HS6ST3: variants seen among roughly 807,000 people sequenced by gnomAD.
The protein encoded by HS6ST3 is heparan-sulfate 6-O-sulfotransferase 3.
A neutral mutation model predicts 36.7 loss-of-function variants in HS6ST3; 12 were observed. The ratio of observed to expected loss-of-function variants is 0.33; its 90% CI spans 0.21 to 0.53. HS6ST3 has a LOEUF of 0.53. HS6ST3 is among the 20% of genes least tolerant of loss of function. The probability of loss-of-function intolerance (pLI) is 0.95; values close to 1 mark genes in which losing one functional copy is unlikely to be tolerated. For synonymous variants in HS6ST3, 240 were observed against 257.5 expected, an observed-to-expected ratio of 0.93 and a Z score of 0.65; for missense variants, 584 against 640.9, an observed-to-expected ratio of 0.91 and a Z score of 0.96.
chr13:96,475,143 CCAAA>C (rs1566371504), intron 1 of HS6ST3, among the ~76,000 whole-genome samples: 6 of 152,066 alleles, frequency 3.9e-5, no homozygotes, highest in African/African-American at 1.2e-4. Flanking sequence ...CTCTGATTCC[CCAAA>C]CAAACAGTCC....
chr13:96,118,072 A>G (rs958639026), intron 1 of HS6ST3, among the ~76,000 whole-genome samples: 1 of 151,912 alleles, frequency 6.6e-6, no homozygotes, highest in Non-Finnish European at 1.5e-5. Context: ...GGGTTTTACT[A>G]TGTTGGCCAG....
intron 1 of HS6ST3, among the ~76,000 whole-genome samples, chr13:96,282,517 G>A (rs187422210): frequency 2.6e-5 from 4 of 152,252 alleles, no homozygotes; most frequent in Admixed American, 2.0e-4. Context: ...TGGGGTAAAT[G>A]GCCTTACCCA....
At chr13:96,347,616 A>G (rs903412553) in intron 1 of HS6ST3, among the ~76,000 whole-genome samples, 2 of 152,260 alleles carry the variant, frequency 1.3e-5, no homozygotes, top group Non-Finnish European at 2.9e-5. Context: ...AATTAATGAT[A>G]TAATCAGAAA....
chr13:96,259,099 A>G (rs547772324), intron 1 of HS6ST3, among the ~76,000 whole-genome samples: 1 of 152,154 alleles, frequency 6.6e-6, no homozygotes, highest in Non-Finnish European at 1.5e-5. Flanking sequence ...AACTTGCTGT[A>G]AACTGCAAGC....
rs527888142 is a variant in HS6ST3, at chr13:96,199,450, A to G, written c.707+107881A>G. Among the ~76,000 whole-genome samples, 3 of 152,336 alleles carry G rather than the reference A, an allele frequency of 2.0e-5. 1 individual carries two copies. Among genetic ancestry groups the G allele is most frequent in the African/African-American group, 7.2e-5 (3 of 41,578 alleles). Reference sequence around the variant, plus strand: ...TATTTATCCCTAGGACTTCAATTATATTAATTTAAAAATTAATTATAAACT... The same window carrying G: ...TATTTATCCCTAGGACTTCAATTATGTTAATTTAAAAATTAATTATAAACT... On this transcript the variant is annotated intron_variant, in intron 1 of 1. Coordinates refer to ENST00000376705, the MANE Select transcript of HS6ST3 (RefSeq NM_153456.4).
At chr13:96,377,048 T>C (rs1018242376) in intron 1 of HS6ST3, among the ~76,000 whole-genome samples, 1 of 148,082 alleles carries the variant, frequency 6.8e-6, no homozygotes, top group Non-Finnish European at 1.5e-5. Context: ...TTTATCAATA[T>C]ATTATAATAT....
At chr13:96,254,818 A>G (rs2054629224) in intron 1 of HS6ST3, among the ~76,000 whole-genome samples, 1 of 152,162 alleles carries the variant, frequency 6.6e-6, no homozygotes, top group South Asian at 2.1e-4. Flanking sequence ...ATTTTGCTTT[A>G]TAAGAAGTAA....
intron 1 of HS6ST3, among the ~76,000 whole-genome samples, chr13:96,376,068 A>T (rs943314017): frequency 2.0e-5 from 3 of 152,166 alleles, no homozygotes; most frequent in Admixed American, 1.3e-4. Flanking sequence ...GGAACCCCGA[A>T]TGATCAACAT....
intron 1 of HS6ST3, chr13:96,573,963 A>G: frequency 1.9e-6 from 1 of 537,312 alleles, no homozygotes; most frequent in East Asian, 5.2e-5. Flanking sequence ...TGCTTTACCA[A>G]ACTCCACTGT....
intron 1 of HS6ST3, among the ~76,000 whole-genome samples, chr13:96,660,157 G>A (rs1411464543): frequency 6.6e-6 from 1 of 152,032 alleles, no homozygotes; most frequent in East Asian, 1.9e-4. Flanking sequence ...CTATTTTGTA[G>A]TGTGAAATGC....
At chr13:96,607,978 G>A (rs2056444852) in intron 1 of HS6ST3, among the ~76,000 whole-genome samples, 1 of 152,128 alleles carries the variant, frequency 6.6e-6, no homozygotes, top group Admixed American at 6.5e-5. Context: ...ATCTTGTAAT[G>A]GTAGCTATCA....
chr13:96,686,513 T>C (rs1249115124), intron 1 of HS6ST3, among the ~76,000 whole-genome samples: 1 of 152,070 alleles, frequency 6.6e-6, no homozygotes, highest in Non-Finnish European at 1.5e-5. Context: ...TTGATCATCG[T>C]TTTTTATTGT....
intron 1 of HS6ST3, among the ~76,000 whole-genome samples, chr13:96,781,057 A>G (rs1877513435): frequency 6.6e-6 from 1 of 152,136 alleles, no homozygotes; most frequent in Non-Finnish European, 1.5e-5. Context: ...TAATGCATCC[A>G]GAGGCAGATA....
intron 1 of HS6ST3, among the ~76,000 whole-genome samples, chr13:96,191,055 C>T (rs959720369): frequency 3.9e-5 from 6 of 152,156 alleles, no homozygotes; most frequent in Admixed American, 3.9e-4. Context: ...GGTCATCATT[C>T]TTGGTTCCTG....
intron 1 of HS6ST3, among the ~76,000 whole-genome samples, chr13:96,761,834 T>G (rs1037614913): frequency 2.6e-5 from 4 of 152,190 alleles, no homozygotes; most frequent in Non-Finnish European, 5.9e-5. Context: ...TGCATTCATT[T>G]TAGGCCATTT....
At chr13:96,145,526 T>G (rs572637851) in intron 1 of HS6ST3, among the ~76,000 whole-genome samples, 1 of 152,292 alleles carries the variant, frequency 6.6e-6, no homozygotes, top group East Asian at 1.9e-4. Flanking sequence ...TAAATTTGTT[T>G]GAGTTCATTG....
At chr13:96,814,742 T>A (rs1878385323) in intron 1 of HS6ST3, among the ~76,000 whole-genome samples, 1 of 152,134 alleles carries the variant, frequency 6.6e-6, no homozygotes, top group Non-Finnish European at 1.5e-5. Flanking sequence ...AGTTGCCGGG[T>A]CCCCACTATT....
intron 1 of HS6ST3, among the ~76,000 whole-genome samples, chr13:96,150,565 G>A (rs892964464): frequency 5.3e-5 from 8 of 151,972 alleles, no homozygotes; most frequent in Admixed American, 1.3e-4. Flanking sequence ...GATTTCCAGC[G>A]AAGGTCTACA....
intron 1 of HS6ST3, among the ~76,000 whole-genome samples, chr13:96,458,381 C>T (rs1231199359): frequency 2.0e-5 from 3 of 152,166 alleles, no homozygotes; most frequent in East Asian, 1.9e-4. Flanking sequence ...ATGCTTCCAT[C>T]TTATTACAAA....
Sources: gnomAD v4.1 joint callset for allele counts (sites outside exome capture counted in the v4.1 genomes callset) on GRCh38, gnomAD v4.1.1 for gene constraint, MANE v1.5 for transcripts, NCBI Gene and HGNC (gene_info 2026-07-23, HGNC 2026-07-21) for gene names.